Variants in AGXT2 observed in about 807,000 individuals in gnomAD.
The protein encoded by AGXT2 is alanine--glyoxylate aminotransferase 2, mitochondrial.
AGXT2 carries 61 observed loss-of-function variants against 62.5 expected under a neutral mutation model. That is an observed-to-expected ratio of 0.98 (90% CI 0.79 to 1.21). The LOEUF (loss-of-function observed/expected upper bound fraction) is 1.21, where lower values mean the gene tolerates loss of function less well. Ranked by LOEUF, AGXT2 falls within the 50% of genes most tolerant of loss-of-function variation. The probability of loss-of-function intolerance (pLI) is 0.00; values close to 1 mark genes in which losing one functional copy is unlikely to be tolerated. For synonymous variants in AGXT2, 243 were observed against 218.7 expected, an observed-to-expected ratio of 1.11 and a Z score of -0.98; for missense variants, 666 against 641.5, an observed-to-expected ratio of 1.04 and a Z score of -0.41.
At chr5:35,042,603 T>C (rs1579516480) in intron 1 of AGXT2, among the ~76,000 whole-genome samples, 1 of 152,014 alleles carries the variant, frequency 6.6e-6, no homozygotes, top group East Asian at 1.9e-4. Context: ...AAAATGAAAA[T>C]CTATCTAGAT....
rs941736408 is a variant in AGXT2, at chr5:35,037,169, C to T, written c.363-104G>A. ...TATACTGTTTTTTCTCAAAGAGTTT[C>T]AAGAGGCAGATTTTATTTACACATG... is the stretch of plus-strand genomic sequence containing the variant. On this transcript the variant is annotated intron_variant, in intron 3 of 13. Transcript: ENST00000231420. 7.8e-6 allele frequency: 12 copies of T among 1,536,836 alleles called. No homozygotes were observed. The African/African-American group carries it at 9.6e-5, about 12-fold the overall frequency.
At chr5:35,008,112 T>G (rs756884540) in intron 12 of AGXT2, among the ~76,000 whole-genome samples, 1 of 152,210 alleles carries the variant, frequency 6.6e-6, no homozygotes, top group Non-Finnish European at 1.5e-5. Flanking sequence ...ATAAACCTCT[T>G]TTCTTGATAA....
chr5:35,040,524 C>A, intron 2 of AGXT2, 51 bp downstream of exon 2: 1 of 1,523,102 alleles, frequency 6.6e-7, no homozygotes, highest in Non-Finnish European at 9.1e-7. Flanking sequence ...TCATTTGAGA[C>A]CTCCCCAGAG....
chr5:35,012,709 C>G lies in AGXT2; in HGVS notation c.1188+245G>C, dbSNP rs1041134723. On this transcript the variant is annotated intron_variant, in intron 11 of 13. Transcript: ENST00000231420. ...GAAATTTCAGCTGGCTAGGAAAATTCTTATATTTCCCATGTATGTGAGGTT... is the reference window on the plus strand; with the variant it reads ...GAAATTTCAGCTGGCTAGGAAAATTGTTATATTTCCCATGTATGTGAGGTT... 1.0e-4 allele frequency: 50 copies of G among 495,504 alleles called. No homozygotes were observed. The East Asian group carries it at 1.8e-3, about 18-fold the overall frequency. 30.7% of individuals were successfully genotyped at this position (495,504 alleles called of 1,614,324 possible).
At chr5:35,033,685 C>T (rs771866546) in intron 5 of AGXT2, 132 bp from the exon 6 acceptor site, 3 of 718,684 alleles carry the variant, frequency 4.2e-6, no homozygotes, top group Non-Finnish European at 7.5e-6. Context: ...TCTAAGAACG[C>T]ATCTAAGCTT....
intron 7 of AGXT2, among the ~76,000 whole-genome samples, chr5:35,030,684 T>G (rs889814944): frequency 5.9e-5 from 9 of 152,160 alleles, no homozygotes; most frequent in Admixed American, 4.6e-4. Context: ...ATAGAAGGCC[T>G]TATAGTAGGC....
Position 35,015,753 on chromosome 5 carries a change from G to A in AGXT2, c.964-1634C>T, listed in dbSNP as rs531482082. On this transcript the variant is annotated intron_variant, in intron 9 of 13. Transcript: ENST00000231420. ...TAGTCCCAGCTACCTGGGAGGTTGA[G>A]GGAGGAGAATCGCTTGAACCTGGGA... Among the ~76,000 whole-genome samples, 49 of 151,310 alleles carry A rather than the reference G, an allele frequency of 3.2e-4. No individual in the cohort carries two copies. In the South Asian group the frequency reaches 3.4e-3, roughly 10 times the overall value.
intron 9 of AGXT2, among the ~76,000 whole-genome samples, chr5:35,022,715 A>G (rs1312204961): frequency 1.4e-5 from 2 of 148,110 alleles, no homozygotes; most frequent in Admixed American, 6.9e-5. Flanking sequence ...CTAAAACTTA[A>G]AGTATAATAA....
In AGXT2 at chr5:35,026,020, A is replaced by G. The variant is rs73764088; in HGVS notation, c.871-165T>C. Reference sequence around the variant, plus strand: ...ACTGTGGGTGAAAAGAGGACTTATTACTCTATACCATGACTTCTGGAAAAA... The same window carrying G: ...ACTGTGGGTGAAAAGAGGACTTATTGCTCTATACCATGACTTCTGGAAAAA... On this transcript the variant is annotated intron_variant, in intron 8 of 13. Transcript: ENST00000231420. 4,885 of 676,620 alleles carry G rather than the reference A, an allele frequency of 7.2e-3. 182 individuals carry two copies. In the African/African-American group the frequency reaches 0.079, roughly 11 times the overall value. 41.9% of individuals were successfully genotyped at this position (676,620 alleles called of 1,614,324 possible). A position where few individuals can be genotyped will look rare whatever the true frequency, so the allele number is the denominator to read the frequency against.
Position 35,015,714 on chromosome 5 carries a change from G to T in AGXT2, c.964-1595C>A, listed in dbSNP as rs140719013. The stretch of plus-strand genomic sequence containing the variant: ...AAAATACAAAAATTGTCTGAGTGTG[G>T]TGGCGGGAGCCTGTAGTCCCAGCTA... On this transcript the variant is annotated intron_variant, in intron 9 of 13. Coordinates refer to ENST00000231420, the MANE Select transcript of AGXT2 (RefSeq NM_031900.4). Among the ~76,000 whole-genome samples, 55 of 152,126 alleles carry T rather than the reference G, an allele frequency of 3.6e-4. No individual in the cohort carries two copies. The East Asian group carries it at 0.01, about 29-fold the overall frequency.
intron 9 of AGXT2, among the ~76,000 whole-genome samples, chr5:35,025,224 A>G (rs1767285235): frequency 6.6e-6 from 1 of 151,894 alleles, no homozygotes; most frequent in Non-Finnish European, 1.5e-5. Context: ...AAAAATACAA[A>G]AATTAGTCAG....
chr5:35,005,452 C>G (rs183787015), intron 12 of AGXT2, among the ~76,000 whole-genome samples: 18 of 152,232 alleles, frequency 1.2e-4, no homozygotes, highest in African/African-American at 4.3e-4. Context: ...TGGTCTCGAA[C>G]TCCTGACCTC....
Position 35,033,659 on chromosome 5 carries a change from G to A in AGXT2, c.582-106C>T, listed in dbSNP as rs371045517. ...ATGAAGATGAAATAGAACATCATTCGCATTCACCTCTGATTTCTAAGAACG... is the reference window on the plus strand; with the variant it reads ...ATGAAGATGAAATAGAACATCATTCACATTCACCTCTGATTTCTAAGAACG... On this transcript the variant is annotated intron_variant, in intron 5 of 13. Transcript: ENST00000231420. The A allele has an allele frequency of 9.0e-5, 74 of 820,364 alleles. 1 individual carries two copies. The highest frequency in any genetic ancestry group is 7.5e-4 in the South Asian group (53 of 70,618). The allele number at this position is 820,364 out of a possible 1,614,324, so 50.8% of individuals were successfully genotyped here.
chr5:35,002,277 C>T (rs1766256505), intron 13 of AGXT2, among the ~76,000 whole-genome samples: 1 of 152,040 alleles, frequency 6.6e-6, no homozygotes, highest in African/African-American at 2.4e-5. Context: ...GCTGGGAGAA[C>T]TTTAAGTCTG....
At chr5:35,035,149 C>T (rs1767711801) in intron 5 of AGXT2, 73 bp downstream of exon 5, 1 of 1,290,634 alleles carries the variant, frequency 7.7e-7, no homozygotes, top group Non-Finnish European at 1.1e-6. Flanking sequence ...CTCCATGCTA[C>T]AATGTAAAGC....
chr5:35,045,928 C>A (rs562696442), intron 1 of AGXT2, among the ~76,000 whole-genome samples: 2 of 151,882 alleles, frequency 1.3e-5, no homozygotes, highest in African/African-American at 4.8e-5. Flanking sequence ...CCACCATGCC[C>A]GACTAATTTT....
chr5:35,040,980 C>T (rs71615843), intron 1 of AGXT2, among the ~76,000 whole-genome samples: 5 of 152,188 alleles, frequency 3.3e-5, no homozygotes, highest in African/African-American at 1.2e-4. Context: ...GGCAAAACTT[C>T]TGCTAGTGCA....
chr5:35,030,383 C>A (rs903826290), intron 7 of AGXT2, among the ~76,000 whole-genome samples: 2 of 152,182 alleles, frequency 1.3e-5, no homozygotes, highest in African/African-American at 4.8e-5. Flanking sequence ...TGGCAGGCAC[C>A]TGTAATCCCC....
At chr5:35,034,246 T>C (rs933330624) in intron 5 of AGXT2, among the ~76,000 whole-genome samples, 2 of 152,124 alleles carry the variant, frequency 1.3e-5, no homozygotes, top group African/African-American at 2.4e-5. Flanking sequence ...ACCTAATGTA[T>C]CTTGAAAAAG....
Sources: allele counts gnomAD v4.1 joint callset (sites outside exome capture counted in the v4.1 genomes callset), GRCh38; gene constraint gnomAD v4.1.1; transcripts MANE v1.5; gene names NCBI Gene and HGNC (gene_info 2026-07-23, HGNC 2026-07-21).